Variants in RARA observed in about 807,000 individuals in gnomAD.
The protein encoded by RARA is retinoic acid receptor alpha, also known as PML-DDX5-RARA fusion.
RARA carries 5 observed loss-of-function variants against 42.8 expected under a neutral mutation model. The ratio of observed to expected loss-of-function variants is 0.12; its 90% CI spans 0.06 to 0.25. The LOEUF is 0.25. Among genes scored for constraint, RARA ranks in the 10% least tolerant of loss-of-function variants. The pLI, the probability that RARA is intolerant of heterozygous loss-of-function variation, is 1.00. For missense variants in RARA, 402 were observed against 628.7 expected, an observed-to-expected ratio of 0.64 and a Z score of 3.86; for synonymous variants, 256 against 259.5, an observed-to-expected ratio of 0.99 and a Z score of 0.13.
chr17:40,309,746 A>G (rs976947077), intron 1 of RARA, among the ~76,000 whole-genome samples: 1 of 152,138 alleles, frequency 6.6e-6, no homozygotes, highest in African/African-American at 2.4e-5. Flanking sequence ...CCTACTCCCT[A>G]CACACCTTGT....
rs1402000043 is a variant in RARA at position 40,326,577 on chromosome 17, G to T, written c.-362-4280G>T. ...GTGAGAGCGGCCCCAGTGGGCAGGAGTGTGGGGCTGGTTGCAGGTGCTCTA... is the reference window on the plus strand; with the variant it reads ...GTGAGAGCGGCCCCAGTGGGCAGGATTGTGGGGCTGGTTGCAGGTGCTCTA... On this transcript the variant is annotated intron_variant, in intron 1 of 8. Coordinates refer to ENST00000254066, the MANE Select transcript of RARA (RefSeq NM_000964.4). The surrounding 1 kb of genome is among the most constrained non-coding windows in gnomAD (Gnocchi z 5.2). 6.6e-6 allele frequency: 1 copy of T among 152,474 alleles called. No individual in the cohort carries two copies. The highest frequency in any genetic ancestry group is 2.4e-5 in the African/African-American group (1 of 41,432). The allele number at this position is 152,474 out of a possible 1,614,324, so 9.4% of individuals were successfully genotyped here.
At position 40,356,941 on chromosome 17, in the gene RARA, T is replaced by C. The variant is rs1212721441; in HGVS notation, c.*715T>C. 5.1e-6 allele frequency: 2 copies of C among 390,898 alleles called. No individual in the cohort carries two copies. Among genetic ancestry groups the C allele is most frequent in the South Asian group, 2.5e-5 (1 of 40,550 alleles). The allele number at this position is 390,898 out of a possible 1,614,324, so 24.2% of individuals were successfully genotyped here. On this transcript the variant is annotated 3_prime_UTR_variant, in exon 9 of 9. Coordinates refer to ENST00000254066, the MANE Select transcript of RARA (RefSeq NM_000964.4). ...CCCCCCAGTTCTCCTCCTCAGCCTTTTCCTCCTCAGTTTTCTCTTTAAAAC... is the reference window on the plus strand; with the variant it reads ...CCCCCCAGTTCTCCTCCTCAGCCTTCTCCTCCTCAGTTTTCTCTTTAAAAC...
intron 1 of RARA, among the ~76,000 whole-genome samples, chr17:40,309,764 C>G (rs1426175507): frequency 6.6e-6 from 1 of 152,208 alleles, no homozygotes; most frequent in East Asian, 1.9e-4. Context: ...TGTAGGGGAA[C>G]TAATGTCCCC....
At chr17:40,335,481 G>C (rs1301991144) in intron 2 of RARA, among the ~76,000 whole-genome samples, 2 of 151,872 alleles carry the variant, frequency 1.3e-5, no homozygotes, top group Non-Finnish European at 2.9e-5. Context: ...CCTGAGGTCA[G>C]GAGTTTGAGA....
intron 2 of RARA, among the ~76,000 whole-genome samples, chr17:40,339,319 T>C (rs1471701859): frequency 1.3e-5 from 2 of 152,202 alleles, no homozygotes; most frequent in Non-Finnish European, 1.5e-5. Flanking sequence ...GGGGGCCAGT[T>C]TGGCCTGCAC....
chr17:40,318,484 G>A (rs2033267274), intron 1 of RARA: 1 of 152,284 alleles, frequency 6.6e-6, no homozygotes, highest in African/African-American at 2.4e-5. Context: ...GGAGCCCCTG[G>A]TTCCCGCAGG....
Position 40,341,442 on chromosome 17 carries a change from G to A in RARA, c.179-6874G>A, listed in dbSNP as rs1375942772. On this transcript the variant is annotated intron_variant, in intron 2 of 8. Transcript: ENST00000254066. Reference sequence around the variant, plus strand: ...GGTGTCTCATTCCGACACAGCGTCCGAGCTGCACAATGTCACACCCGGGTG... The same window carrying A: ...GGTGTCTCATTCCGACACAGCGTCCAAGCTGCACAATGTCACACCCGGGTG... The A allele has an allele frequency of 5.2e-6, 8 of 1,526,678 alleles. No homozygotes were observed. In the East Asian group the frequency reaches 2.2e-4, roughly 42 times the overall value. 94.6% of individuals were successfully genotyped at this position (1,526,678 alleles called of 1,614,324 possible).
At position 40,355,239 on chromosome 17, in the gene RARA, C is replaced by G. The variant is rs1354188822; in HGVS notation, c.1013-24C>G. On this transcript the variant is annotated intron_variant, in intron 7 of 8. Transcript: ENST00000254066. The surrounding 1 kb of genome is among the most constrained non-coding windows in gnomAD (Gnocchi z 4.1). ...GGGTGCAGCTGTGTTCCCAGCTGCT[C>G]AGGGGGTGGTTCTGCTTCCTCAGAC... 1 of 1,549,622 alleles carries G rather than the reference C, an allele frequency of 6.5e-7. No individual in the cohort carries two copies. The highest frequency in any genetic ancestry group is 1.4e-5 in the African/African-American group (1 of 73,098).
intron 2 of RARA, chr17:40,343,048 C>A: frequency 7.8e-7 from 1 of 1,276,374 alleles, no homozygotes; most frequent in Non-Finnish European, 1.0e-6. Flanking sequence ...CCCCAGTAAC[C>A]CTAAGTGCAA....
rs748302448 is a variant in RARA at position 40,349,807 on chromosome 17, G to A, written c.351G>A (p.Gln117=). The change falls in exon 4 of 9, where the codon CAG becomes CAA. Residue 117 remains glutamine (Q), a synonymous_variant. Transcript: ENST00000254066. ...AGGGCTTCTTCCGCCGCAGCATCCAGAAGAACATGGTGTACACGTGTCACC... is the reference window on the plus strand; with the variant it reads ...AGGGCTTCTTCCGCCGCAGCATCCAAAAGAACATGGTGTACACGTGTCACC... ...GCKGFFRRSI[Q]KNMVYTCHRD... The A allele has an allele frequency of 3.7e-6, 6 of 1,614,194 alleles. No individual in the cohort carries two copies. In the African/African-American group the frequency reaches 8.0e-5, roughly 22 times the overall value.
intron 1 of RARA, among the ~76,000 whole-genome samples, chr17:40,321,780 G>A (rs1354086230): frequency 6.6e-6 from 1 of 152,174 alleles, no homozygotes; most frequent in African/African-American, 2.4e-5. Context: ...CTAGGGAGGG[G>A]GCTGCAGAAT....
chr17:40,341,585 G>T (rs2034042311), intron 2 of RARA: 2 of 1,363,952 alleles, frequency 1.5e-6, no homozygotes, highest in Admixed American at 4.1e-5. Flanking sequence ...CCCGCGGGCG[G>T]GCTGGCGAGC....
chr17:40,343,507 C>T (rs993583077), intron 2 of RARA, among the ~76,000 whole-genome samples: 1 of 152,144 alleles, frequency 6.6e-6, no homozygotes, highest in Non-Finnish European at 1.5e-5. Flanking sequence ...TTGTCCTGGC[C>T]CCAGACACTT....
At chr17:40,310,507 G>A (rs992100660) in intron 1 of RARA, among the ~76,000 whole-genome samples, 2 of 152,104 alleles carry the variant, frequency 1.3e-5, no homozygotes, top group Non-Finnish European at 2.9e-5. Context: ...TAGGTGTGGG[G>A]TGTGCTCTGC....
At chr17:40,322,556 G>C (rs1034365001) in intron 1 of RARA, among the ~76,000 whole-genome samples, 1 of 152,010 alleles carries the variant, frequency 6.6e-6, no homozygotes. Flanking sequence ...GCTTTATCCC[G>C]GCCCTCCCCC....
At chr17:40,319,189 G>C (rs2033298003) in intron 1 of RARA, among the ~76,000 whole-genome samples, 1 of 152,130 alleles carries the variant, frequency 6.6e-6, no homozygotes, top group Non-Finnish European at 1.5e-5. Flanking sequence ...GGGGACGGCT[G>C]GGAAATGAGC....
chr17:40,314,569 G>A (rs149547725), intron 1 of RARA, among the ~76,000 whole-genome samples: 1 of 150,988 alleles, frequency 6.6e-6, no homozygotes, highest in African/African-American at 2.4e-5. Context: ...TGTGGTGGGG[G>A]TGGGCAGTGG....
intron 1 of RARA, among the ~76,000 whole-genome samples, chr17:40,309,938 G>T (rs530132694): frequency 1.3e-5 from 2 of 151,252 alleles, no homozygotes; most frequent in South Asian, 4.2e-4. Context: ...GACCCCACCT[G>T]TGTGTGTGTG....
At chr17:40,325,252 A>AAAAT (rs10689341) in intron 1 of RARA, among the ~76,000 whole-genome samples, 27,694 of 141,480 alleles carry the variant, frequency 0.2, 3,022 homozygotes, top group East Asian at 0.29. Flanking sequence ...CTCCATCTCA[A>AAAAT]AAATAAATAA....
Sources: allele counts gnomAD v4.1 joint callset (sites outside exome capture counted in the v4.1 genomes callset), GRCh38; gene constraint gnomAD v4.1.1; non-coding constraint Gnocchi (gnomAD v3.1); transcripts MANE v1.5; gene names NCBI Gene and HGNC (gene_info 2026-07-23, HGNC 2026-07-21).